The following PHYHD1 variants were observed in gnomAD, a reference collection of about 807,000 sequenced individuals.
PHYHD1 encodes the protein phytanoyl-CoA dioxygenase domain-containing protein 1.
A neutral mutation model predicts 43.6 loss-of-function variants in PHYHD1; 42 were observed. The observed-to-expected ratio is 0.96, with a 90% CI of 0.75 to 1.25. The LOEUF (loss-of-function observed/expected upper bound fraction) is 1.25, where lower values mean the gene tolerates loss of function less well. PHYHD1 is among the 50% of genes most tolerant of loss of function. The pLI, the probability that PHYHD1 is intolerant of heterozygous loss-of-function variation, is 0.00. For synonymous variants in PHYHD1, 139 were observed against 143.6 expected, an observed-to-expected ratio of 0.97 and a Z score of 0.23; for missense variants, 342 against 370.8, an observed-to-expected ratio of 0.92 and a Z score of 0.64.
chr9:128,936,420 G>A (rs1367755525), intron 6 of PHYHD1, 28 bp from the exon 7 acceptor site: 2 of 1,599,424 alleles, frequency 1.3e-6, no homozygotes, highest in Admixed American at 1.7e-5. Context: ...GCCTGAGATG[G>A]GGCCGACAGC....
At position 128,934,036 on chromosome 9, in the gene PHYHD1, A is replaced by G; in HGVS notation, c.294A>G (p.Lys98=). 1 of 1,613,826 alleles carries G rather than the reference A, an allele frequency of 6.2e-7. No individual in the cohort carries two copies. The highest frequency in any genetic ancestry group is 8.5e-7 in the Non-Finnish European group (1 of 1,179,902). The change falls in exon 6 of 13, where the codon AAA becomes AAG. Residue 98 remains lysine (K), a synonymous_variant. Coordinates refer to ENST00000372592, the MANE Select transcript of PHYHD1 (RefSeq NM_001100876.2). The stretch of plus-strand genomic sequence containing the variant: ...GAAATTTCCTGGTCCCTCCGGAGAA[A>G]TCCATCAACAAAATTGGCCACGGTG... ...EKGNFLVPPE[K]SINKIGHALH...
intron 5 of PHYHD1, 34 bp downstream of exon 5, chr9:128,933,891 C>T (rs1181703575): frequency 6.2e-7 from 1 of 1,609,180 alleles, no homozygotes; most frequent in Non-Finnish European, 8.5e-7. Context: ...TGGGGAGGAG[C>T]CATGGTGAGG....
At chr9:128,932,178 A>ATTTTT (rs200138931) in intron 4 of PHYHD1, among the ~76,000 whole-genome samples, 12 of 107,892 alleles carry the variant, frequency 1.1e-4, no homozygotes, top group African/African-American at 4.0e-4. Context: ...TGTTATTATT[A>ATTTTT]TTATTATTTT....
Position 128,941,459 on chromosome 9 carries a change from A to G in PHYHD1, c.718A>G (p.Ile240Val). 2 of 1,613,612 alleles carry G rather than the reference A, an allele frequency of 1.2e-6. No homozygotes were observed. Among genetic ancestry groups the G allele is most frequent in the Middle Eastern group, 3.3e-4 (2 of 6,062 alleles). ...TPVQRGALVL[I>V]HGEVVHKSKQ... ...GTCTCTGCCAGGGGCCCTGGTCCTC[A>G]TCCATGGAGAAGTGGTACACAAGAG... The change falls in exon 12 of 13, where the codon ATC becomes GTC. Residue 240 changes from isoleucine to valine, a missense_variant. Transcript: ENST00000372592.
chr9:128,922,220 G>T, intron 2 of PHYHD1, 63 bp from the exon 3 acceptor site: 3 of 1,444,742 alleles, frequency 2.1e-6, no homozygotes, highest in Non-Finnish European at 2.8e-6. Flanking sequence ...GTGGGACCGG[G>T]TTTTCTCCGG....
At chr9:128,927,626 C>T (rs1460730731) in intron 4 of PHYHD1, among the ~76,000 whole-genome samples, 1 of 152,194 alleles carries the variant, frequency 6.6e-6, no homozygotes, top group Non-Finnish European at 1.5e-5. Flanking sequence ...ATCCACCAGC[C>T]TCAGTCTCCC....
At chr9:128,922,398 G>T (rs886568813) in intron 3 of PHYHD1, 42 bp downstream of exon 3, 3 of 1,544,430 alleles carry the variant, frequency 1.9e-6, no homozygotes, top group African/African-American at 2.7e-5. Flanking sequence ...CATGGCGGGG[G>T]GGTCCCTGCC....
At chr9:128,933,330 T>C (rs2131108641) in intron 4 of PHYHD1, among the ~76,000 whole-genome samples, 1 of 151,838 alleles carries the variant, frequency 6.6e-6, no homozygotes, top group East Asian at 1.9e-4. Flanking sequence ...TTTGTATTTT[T>C]AGTAGAGACA....
Position 128,937,630 on chromosome 9 carries a change from G to A in PHYHD1, c.436-127G>A, listed in dbSNP as rs1841457693. ...GGCATATGGTAGGTGCTCAGTAGCTGGGTGTTGATGTGGAATCCTGAGAGG... is the reference window on the plus strand; with the variant it reads ...GGCATATGGTAGGTGCTCAGTAGCTAGGTGTTGATGTGGAATCCTGAGAGG... On this transcript the variant is annotated intron_variant, in intron 8 of 12. Transcript: ENST00000372592. 8 of 1,051,708 alleles carry A rather than the reference G, an allele frequency of 7.6e-6. No individual in the cohort carries two copies. The Admixed American group carries it at 1.0e-4, about 14-fold the overall frequency. The allele number at this position is 1,051,708 out of a possible 1,614,324, so 65.1% of individuals were successfully genotyped here. A position where few individuals can be genotyped will look rare whatever the true frequency, so the allele number is the denominator to read the frequency against.
chr9:128,939,159 C>T (rs76495989), intron 9 of PHYHD1, among the ~76,000 whole-genome samples: 10,918 of 131,342 alleles, frequency 0.083, 2,148 homozygotes, highest in African/African-American at 0.25. Context: ...TCAGAAAACA[C>T]GCAGTTGCCC....
Position 128,921,448 on chromosome 9 carries a change from G to GC in PHYHD1, c.-378dup. On this transcript the variant is annotated 5_prime_UTR_variant, in exon 1 of 13. An upstream open reading frame in the 5' UTR gains an earlier in-frame stop. Transcript: ENST00000372592. ...CGAGCAGCTGGGACTACAGGTGCCC[G>GC]CCACCACGCCCGGCTAATTTTTTGT... The GC allele has an allele frequency of 6.6e-6, 1 of 152,388 alleles. No individual in the cohort carries two copies. Among genetic ancestry groups the GC allele is most frequent in the Middle Eastern group, 3.4e-3 (1 of 294 alleles). The allele number at this position is 152,388 out of a possible 1,614,324, so 9.4% of individuals were successfully genotyped here. A position where few individuals can be genotyped will look rare whatever the true frequency, so the allele number is the denominator to read the frequency against.
At chr9:128,933,150 CTTTT>C (rs751550740) in intron 4 of PHYHD1, among the ~76,000 whole-genome samples, 2 of 104,210 alleles carry the variant, frequency 1.9e-5, no homozygotes, top group African/African-American at 7.0e-5. Context: ...TGCACCCAGA[CTTTT>C]TTTTTTTTTT....
At position 128,933,054 on chromosome 9, in the gene PHYHD1, T is replaced by A. The variant is rs1164184835; in HGVS notation, c.193-728T>A. ...TTTAGTAGAGACGGGGATTTCACCA[T>A]GTTAGCCAGGATGGTCTCGATCTCC... On this transcript the variant is annotated intron_variant, in intron 4 of 12. Coordinates refer to ENST00000372592, the MANE Select transcript of PHYHD1 (RefSeq NM_001100876.2). Among the ~76,000 whole-genome samples the A allele has an allele frequency of 2.7e-5, 4 of 150,026 alleles. No individual in the cohort carries two copies. The East Asian group carries it at 7.9e-4, about 30-fold the overall frequency.
intron 8 of PHYHD1, among the ~76,000 whole-genome samples, chr9:128,937,011 A>T (rs1841439965): frequency 6.6e-6 from 1 of 152,172 alleles, no homozygotes; most frequent in Admixed American, 6.6e-5. Flanking sequence ...GCTACTCGGG[A>T]GGCTGAGGCA....
chr9:128,925,739 C>T (rs1841116011), intron 3 of PHYHD1, among the ~76,000 whole-genome samples: 1 of 152,116 alleles, frequency 6.6e-6, no homozygotes, highest in South Asian at 2.1e-4. Flanking sequence ...TGCCACCCTC[C>T]TGCCTCCTCT....
chr9:128,924,044 C>G (rs7856046), intron 3 of PHYHD1, among the ~76,000 whole-genome samples: 59,558 of 151,784 alleles, frequency 0.39, 11,864 homozygotes, highest in Admixed American at 0.43. Flanking sequence ...ACTTGAACCC[C>G]GAAGGCAGAG....
At position 128,922,374 on chromosome 9, in the gene PHYHD1, G is replaced by T. The variant is rs1206400558; in HGVS notation, c.33+18G>T. ...TCCAGAAGGTAGGAGCCTGCAAGTC[G>T]GGGCCGGGAGGGTCATGGCGGGGGG... On this transcript the variant is annotated intron_variant, in intron 3 of 12. Coordinates refer to ENST00000372592, the MANE Select transcript of PHYHD1 (RefSeq NM_001100876.2). 2.3e-5 allele frequency: 35 copies of T among 1,547,772 alleles called. No individual in the cohort carries two copies. The highest frequency in any genetic ancestry group is 4.5e-4 in the Middle Eastern group (2 of 4,490).
rs774819404 is a variant in PHYHD1, at chr9:128,940,715, G to C, written c.703G>C (p.Gly235Arg). Residue 235 changes from glycine (G) to arginine (R), a missense_variant and splice_region_variant, in exon 11 of 13, where the codon GGG becomes CGG. Physicochemically the swap from Gly to Arg is moderately radical, Grantham distance 125. Coordinates refer to ENST00000372592, the MANE Select transcript of PHYHD1 (RefSeq NM_001100876.2). ...SLFVPTPVQR[G>R]ALVLIHGEVV... ...CTTTGTGCCCACCCCAGTGCAGAGA[G>C]GTAGGCAGATGCAGAGGGCAGAGAG... The C allele has an allele frequency of 1.2e-6, 2 of 1,612,976 alleles. No homozygotes were observed. Among genetic ancestry groups the C allele is most frequent in the South Asian group, 1.1e-5 (1 of 91,028 alleles).
intron 6 of PHYHD1, among the ~76,000 whole-genome samples, chr9:128,935,182 C>T (rs187366224): frequency 3.3e-4 from 50 of 152,186 alleles, no homozygotes; most frequent in African/African-American, 1.0e-3. Flanking sequence ...CTTCAACTAC[C>T]GGGCTCAAGT....
Sources: gnomAD v4.1 joint callset for allele counts (sites outside exome capture counted in the v4.1 genomes callset) on GRCh38, gnomAD v4.1.1 for gene constraint, MANE v1.5 for transcripts, NCBI Gene and HGNC (gene_info 2026-07-23, HGNC 2026-07-21) for gene names.